Variants in LRP2 observed in about 807,000 individuals in gnomAD.
LRP2 encodes LDL receptor related protein 2.
LRP2 carries 172 observed loss-of-function variants against 531.0 expected under a neutral mutation model. That is an observed-to-expected ratio of 0.32 (90% CI 0.29 to 0.37). LRP2 has a LOEUF of 0.37. Ranked by LOEUF, LRP2 falls within the 10% of genes least tolerant of loss-of-function variation. LRP2 has a pLI of 1.00. For missense variants in LRP2, 5,167 were observed against 5,868.3 expected, an observed-to-expected ratio of 0.88 and a Z score of 3.90; for synonymous variants, 1,992 against 2,027.6, an observed-to-expected ratio of 0.98 and a Z score of 0.47.
At chr2:169,358,453 G>A (rs1318799698) in intron 1 of LRP2, among the ~76,000 whole-genome samples, 1 of 152,182 alleles carries the variant, frequency 6.6e-6, no homozygotes, top group South Asian at 2.1e-4. Flanking sequence ...CATGACTGAA[G>A]GGAGTTCAGG....
chr2:169,307,773 C>T (rs1022633269), intron 3 of LRP2, among the ~76,000 whole-genome samples: 3 of 152,160 alleles, frequency 2.0e-5, no homozygotes, highest in Non-Finnish European at 4.4e-5. Flanking sequence ...TATACCAAAG[C>T]TTTAATAGCA....
intron 63 of LRP2, among the ~76,000 whole-genome samples, chr2:169,158,716 A>G (rs1054673645): frequency 4.7e-5 from 7 of 148,930 alleles, no homozygotes; most frequent in African/African-American, 1.7e-4. Flanking sequence ...TCAAAATACT[A>G]AGAAATATTT....
intron 60 of LRP2, among the ~76,000 whole-genome samples, chr2:169,168,961 TAA>T (rs901240545): frequency 2.0e-5 from 3 of 152,256 alleles, no homozygotes; most frequent in African/African-American, 7.2e-5. Context: ...CATACATTTA[TAA>T]AGTCTCTTTG....
chr2:169,264,830 G>A (rs1282186158), intron 16 of LRP2, among the ~76,000 whole-genome samples: 2 of 152,024 alleles, frequency 1.3e-5, no homozygotes, highest in Non-Finnish European at 2.9e-5. Flanking sequence ...GATCCTGAGT[G>A]TCACGCCACT....
intron 26 of LRP2, 137 bp from the exon 27 acceptor site, chr2:169,238,439 G>C: frequency 1.5e-6 from 1 of 674,266 alleles, no homozygotes; most frequent in Non-Finnish European, 2.6e-6. Context: ...GTGGGGAGGG[G>C]AGGAAGCCCC....
chr2:169,156,037 T>TGGCTC (rs1686317951), intron 65 of LRP2, among the ~76,000 whole-genome samples: 1 of 152,166 alleles, frequency 6.6e-6, no homozygotes, highest in African/African-American at 2.4e-5. Context: ...AAGTAACACC[T>TGGCTC]GGCTCTTGTT....
intron 1 of LRP2, among the ~76,000 whole-genome samples, chr2:169,352,566 A>C (rs889893897): frequency 1.3e-5 from 2 of 152,198 alleles, no homozygotes; most frequent in African/African-American, 4.8e-5. Flanking sequence ...AATCACCTTG[A>C]AACTTTTAAA....
In LRP2 at chr2:169,346,896, G is replaced by A. The variant is rs887012178; in HGVS notation, c.79+15425C>T. 3.9e-5 allele frequency among the ~76,000 whole-genome samples: 6 copies of A among 152,164 alleles called. No individual in the cohort carries two copies. The South Asian group carries it at 1.2e-3, about 32-fold the overall frequency. On this transcript the variant is annotated intron_variant, in intron 1 of 78. Coordinates refer to ENST00000649046, the MANE Select transcript of LRP2 (RefSeq NM_004525.3). ...ACAACTCAGTTTCAATTGCTAACTA[G>A]AGGAAGGACAGCCATACTAGAAGCT...
chr2:169,324,278 A>G (rs1684985019), intron 1 of LRP2, among the ~76,000 whole-genome samples: 1 of 152,174 alleles, frequency 6.6e-6, no homozygotes, highest in Non-Finnish European at 1.5e-5. Flanking sequence ...CATTCGTGCT[A>G]CTTGACCACT....
At position 169,147,071 on chromosome 2, in the gene LRP2, G is replaced by C. The variant is rs1013249566; in HGVS notation, c.12591-112C>G. On this transcript the variant is annotated intron_variant, in intron 68 of 78. Coordinates refer to ENST00000649046, the MANE Select transcript of LRP2 (RefSeq NM_004525.3). The stretch of plus-strand genomic sequence containing the variant: ...ACCAACTGTTTATCTCAGGGACCTG[G>C]GTGCTCAGTGACACCAGTTTTATAT... The C allele has an allele frequency of 1.2e-5, 10 of 829,266 alleles. No homozygotes were observed. The African/African-American group carries it at 1.7e-4, about 14-fold the overall frequency. The allele number at this position is 829,266 out of a possible 1,614,324, so 51.4% of individuals were successfully genotyped here. A position where few individuals can be genotyped will look rare whatever the true frequency, so the allele number is the denominator to read the frequency against.
intron 4 of LRP2, among the ~76,000 whole-genome samples, chr2:169,304,704 GA>G (rs1684368830): frequency 6.6e-6 from 1 of 152,128 alleles, no homozygotes; most frequent in Admixed American, 6.5e-5. Context: ...TTTCCAGAGT[GA>G]AGGTAAATCC....
At chr2:169,300,488 A>C (rs1691197958) in intron 4 of LRP2, among the ~76,000 whole-genome samples, 1 of 152,146 alleles carries the variant, frequency 6.6e-6, no homozygotes, top group African/African-American at 2.4e-5. Flanking sequence ...AATTTTTTTA[A>C]AGAAAGAAAC....
At chr2:169,194,393 A>T (rs572137570) in intron 46 of LRP2, among the ~76,000 whole-genome samples, 4 of 152,188 alleles carry the variant, frequency 2.6e-5, no homozygotes, top group African/African-American at 7.2e-5. Context: ...TATTAGCTCC[A>T]TGTGGGTAGG....
At chr2:169,167,189 G>A (rs533674209) in intron 61 of LRP2, among the ~76,000 whole-genome samples, 20 of 152,194 alleles carry the variant, frequency 1.3e-4, no homozygotes, top group Non-Finnish European at 2.8e-4. Context: ...TGTCTAAGAT[G>A]TGTCTCAAGA....
intron 33 of LRP2, 44 bp downstream of exon 33, chr2:169,225,266 A>G (rs1479665767): frequency 1.6e-5 from 25 of 1,596,128 alleles, no homozygotes; most frequent in Non-Finnish European, 2.1e-5. Context: ...GTTTACATCA[A>G]TCTAAATCCA....
chr2:169,271,692 A>G, intron 15 of LRP2: 16 of 982,854 alleles, frequency 1.6e-5, no homozygotes, highest in Non-Finnish European at 1.9e-5. Context: ...TCTTTTGTTT[A>G]AAAATCATAC....
intron 54 of LRP2, 122 bp from the exon 55 acceptor site, chr2:169,175,511 G>T: frequency 1.2e-6 from 1 of 845,058 alleles, no homozygotes; most frequent in African/African-American, 1.7e-5. Context: ...GGCCCTAGAA[G>T]AGGATCAATT....
chr2:169,145,475 T>C (rs796942571), intron 70 of LRP2, among the ~76,000 whole-genome samples: 6 of 152,348 alleles, frequency 3.9e-5, no homozygotes, highest in African/African-American at 1.2e-4. Flanking sequence ...TAGAAGTACA[T>C]ATCCATCACT....
At chr2:169,300,938 T>C (rs1684271929) in intron 4 of LRP2, among the ~76,000 whole-genome samples, 1 of 152,124 alleles carries the variant, frequency 6.6e-6, no homozygotes, top group Non-Finnish European at 1.5e-5. Context: ...TTCCCTCAGC[T>C]GGAGTTTCAG....
Sources: gnomAD v4.1 joint callset for allele counts (sites outside exome capture counted in the v4.1 genomes callset) on GRCh38, gnomAD v4.1.1 for gene constraint, MANE v1.5 for transcripts, NCBI Gene and HGNC (gene_info 2026-07-23, HGNC 2026-07-21) for gene names.